SHB: variants seen among roughly 807,000 people sequenced by gnomAD.
SHB encodes SH2 domain containing adaptor protein B, also known as SH2 domain-containing adapter protein B.
SHB carries 20 observed loss-of-function variants against 52.3 expected under a neutral mutation model. That is an observed-to-expected ratio of 0.38 (90% CI 0.27 to 0.56). SHB has a LOEUF of 0.56. Among genes scored for constraint, SHB ranks in the 20% least tolerant of loss-of-function variants. The pLI is 0.71. For synonymous variants in SHB, 397 were observed against 316.5 expected, an observed-to-expected ratio of 1.25 and a Z score of -2.70; for missense variants, 825 against 723.3, an observed-to-expected ratio of 1.14 and a Z score of -1.61.
chr9:37,921,402 C>G (rs1342731583), intron 5 of SHB, among the ~76,000 whole-genome samples: 1 of 152,246 alleles, frequency 6.6e-6, no homozygotes, highest in African/African-American at 2.4e-5. Context: ...CAAGTGCCCA[C>G]TCTATTAACA....
chr9:37,920,193 G>T (rs753718162), intron 5 of SHB, among the ~76,000 whole-genome samples, 189 bp from the exon 6 acceptor site: 1 of 151,872 alleles, frequency 6.6e-6, no homozygotes, highest in African/African-American at 2.4e-5. Context: ...CCCCAATTCC[G>T]GCATCTGACC....
intron 5 of SHB, among the ~76,000 whole-genome samples, chr9:37,934,485 G>A (rs971918785): frequency 2.7e-5 from 4 of 150,770 alleles, no homozygotes; most frequent in Non-Finnish European, 5.9e-5. Flanking sequence ...TTTTTTTGTA[G>A]AGACCTCGTC....
chr9:37,949,214 G>GA (rs1160497692), intron 4 of SHB, among the ~76,000 whole-genome samples: 1 of 151,986 alleles, frequency 6.6e-6, no homozygotes, highest in Non-Finnish European at 1.5e-5. Flanking sequence ...CCAACATGGC[G>GA]AAACCCCATC....
chr9:38,026,208 A>AC (rs1302335920), intron 1 of SHB, among the ~76,000 whole-genome samples: 3 of 152,226 alleles, frequency 2.0e-5, no homozygotes, highest in Non-Finnish European at 4.4e-5. Context: ...GCAATGTGGT[A>AC]CCTTTCAAAG....
intron 2 of SHB, among the ~76,000 whole-genome samples, chr9:37,997,082 T>TTA (rs1820955881): frequency 6.6e-6 from 1 of 152,174 alleles, no homozygotes; most frequent in Non-Finnish European, 1.5e-5. Flanking sequence ...CAACTCCAGA[T>TTA]AGTCCTGTGG....
chr9:37,933,949 T>G (rs1832340780), intron 5 of SHB, among the ~76,000 whole-genome samples: 1 of 152,254 alleles, frequency 6.6e-6, no homozygotes, highest in Non-Finnish European at 1.5e-5. Context: ...CTTTTCCAGC[T>G]GTGCCCCTGG....
In SHB at chr9:38,045,472, T is replaced by C. The variant is rs568780211; in HGVS notation, c.717+22457A>G. ...TACTAAAAATATAAAAATTAGCCGA[T>C]AGGTGGCGCGCACCTGTAATCCCAG... On this transcript the variant is annotated intron_variant, in intron 1 of 5. Transcript: ENST00000377707. Among the ~76,000 whole-genome samples the C allele has an allele frequency of 4.5e-4, 67 of 150,382 alleles. No individual in the cohort carries two copies. The South Asian group carries it at 0.013, about 30-fold the overall frequency.
intron 2 of SHB, among the ~76,000 whole-genome samples, chr9:37,998,427 A>G (rs183087169): frequency 8.0e-4 from 122 of 152,224 alleles, no homozygotes; most frequent in African/African-American, 2.8e-3. Context: ...CCAGGAAAGC[A>G]CATGTTCTGA....
chr9:38,006,069 A>G (rs1047327601), intron 2 of SHB, among the ~76,000 whole-genome samples: 2 of 152,174 alleles, frequency 1.3e-5, no homozygotes, highest in Non-Finnish European at 2.9e-5. Context: ...CTACTCAGAT[A>G]GGACAGGCCC....
At chr9:37,975,924 C>T (rs10738990) in intron 2 of SHB, among the ~76,000 whole-genome samples, 86,995 of 152,020 alleles carry the variant, frequency 0.57, 25,294 homozygotes, top group East Asian at 0.77. Flanking sequence ...GGGGTGGCTT[C>T]CTGGTGGTAG....
chr9:38,028,037 C>T (rs1302134580), intron 1 of SHB, among the ~76,000 whole-genome samples: 1 of 152,130 alleles, frequency 6.6e-6, no homozygotes, highest in Non-Finnish European at 1.5e-5. Flanking sequence ...GGGTTTGAAG[C>T]AGATAATGGC....
At chr9:37,956,587 C>T (rs549024659) in intron 3 of SHB, among the ~76,000 whole-genome samples, 20 of 152,310 alleles carry the variant, frequency 1.3e-4, no homozygotes, top group African/African-American at 4.8e-4. Flanking sequence ...CAGGACCCAG[C>T]GCCCAGGTGA....
chr9:37,957,388 T>C (rs1401395494), intron 3 of SHB, among the ~76,000 whole-genome samples: 1 of 152,196 alleles, frequency 6.6e-6, no homozygotes, highest in Non-Finnish European at 1.5e-5. Context: ...AGGAGCGTGA[T>C]GAACCTGTTC....
At chr9:37,965,230 T>G (rs1832736295) in intron 3 of SHB, among the ~76,000 whole-genome samples, 1 of 152,186 alleles carries the variant, frequency 6.6e-6, no homozygotes, top group Admixed American at 6.5e-5. Flanking sequence ...ACAAGCCAGG[T>G]ACTGGCCACA....
At chr9:37,984,535 C>A (rs1363408050) in intron 2 of SHB, among the ~76,000 whole-genome samples, 1 of 152,200 alleles carries the variant, frequency 6.6e-6, no homozygotes, top group Non-Finnish European at 1.5e-5. Context: ...CTCCTTAACT[C>A]CTGGACCAGG....
At chr9:38,013,068 T>G (rs528004295) in intron 2 of SHB, among the ~76,000 whole-genome samples, 6 of 151,750 alleles carry the variant, frequency 4.0e-5, no homozygotes, top group East Asian at 2.0e-4. Context: ...ACAAATAATT[T>G]TGAGTCAAAG....
rs539343701 is a variant in SHB at position 37,942,976 on chromosome 9, C to A, written c.1346+5659G>T. ...GCCAGTACTCATGGGCCCCCTAGTTCACTCATGGTTCTAGAATACAGCCCT... is the reference window on the plus strand; with the variant it reads ...GCCAGTACTCATGGGCCCCCTAGTTAACTCATGGTTCTAGAATACAGCCCT... On this transcript the variant is annotated intron_variant, in intron 5 of 5. Transcript: ENST00000377707. Among the ~76,000 whole-genome samples the A allele has an allele frequency of 2.8e-4, 43 of 152,294 alleles. No homozygotes were observed. In the South Asian group the frequency reaches 8.7e-3, roughly 31 times the overall value.
chr9:38,016,204 T>A, intron 1 of SHB, 73 bp from the exon 2 acceptor site: 2 of 1,545,942 alleles, frequency 1.3e-6, no homozygotes, highest in Non-Finnish European at 1.8e-6. Flanking sequence ...CAGCTAGGCT[T>A]TGGGCCTCAG....
Position 37,959,157 on chromosome 9 carries a change from C to T in SHB, c.1055-3103G>A, listed in dbSNP as rs191295218. On this transcript the variant is annotated intron_variant, in intron 3 of 5. Coordinates refer to ENST00000377707, the MANE Select transcript of SHB (RefSeq NM_003028.3). The stretch of plus-strand genomic sequence containing the variant: ...TGATGGAGGCTGACCCCCTCAATGA[C>T]GGGAGGGATGTAGAAGCTTGACTAC... Among the ~76,000 whole-genome samples, 132 of 152,206 alleles carry T rather than the reference C, an allele frequency of 8.7e-4. 1 individual carries two copies. The highest frequency in any genetic ancestry group is 3.4e-3 in the Middle Eastern group (1 of 294).
Sources: gnomAD v4.1 joint callset for allele counts (sites outside exome capture counted in the v4.1 genomes callset) on GRCh38, gnomAD v4.1.1 for gene constraint, MANE v1.5 for transcripts, NCBI Gene and HGNC (gene_info 2026-07-23, HGNC 2026-07-21) for gene names.